Variants in RNF126 observed in about 807,000 individuals in gnomAD.
RNF126 encodes the protein E3 ubiquitin-protein ligase RNF126.
A neutral mutation model predicts 41.9 loss-of-function variants in RNF126; 20 were observed. That is an observed-to-expected ratio of 0.48 (90% CI 0.34 to 0.69). The LOEUF is 0.69. RNF126 is among the 30% of genes least tolerant of loss of function. The pLI, the probability that RNF126 is intolerant of heterozygous loss-of-function variation, is 0.01. For synonymous variants in RNF126, 239 were observed against 202.9 expected, an observed-to-expected ratio of 1.18 and a Z score of -1.51; for missense variants, 433 against 460.6, an observed-to-expected ratio of 0.94 and a Z score of 0.55.
chr19:657,563 G>A (rs1400393344), intron 1 of RNF126, among the ~76,000 whole-genome samples: 1 of 152,226 alleles, frequency 6.6e-6, no homozygotes, highest in African/African-American at 2.4e-5. Context: ...CGTCGGCCCT[G>A]CTGCTGGAAC....
rs1464339046 is a variant in RNF126 at position 659,146 on chromosome 19, C to T, written c.75+3901G>A. Among the ~76,000 whole-genome samples the T allele has an allele frequency of 6.6e-6, 1 of 152,182 alleles. No homozygotes were observed. The highest frequency in any genetic ancestry group is 2.4e-5 in the African/African-American group (1 of 41,438). Reference sequence around the variant, plus strand: ...CTTGAGAGGCAGGGGCAGGCTGTCACTGTCACGGTATCTGGCACAACCGCA... The same window carrying T: ...CTTGAGAGGCAGGGGCAGGCTGTCATTGTCACGGTATCTGGCACAACCGCA... On this transcript the variant is annotated intron_variant, in intron 1 of 8. Coordinates refer to ENST00000292363, the MANE Select transcript of RNF126 (RefSeq NM_194460.3). The surrounding 1 kb of genome is among the most constrained non-coding windows in gnomAD (Gnocchi z 4.9).
chr19:648,910 G>A lies in RNF126; in HGVS notation c.642C>T (p.Pro214=), dbSNP rs1187020695. 7.0e-7 allele frequency: 1 copy of A among 1,429,458 alleles called. No individual in the cohort carries two copies. Among genetic ancestry groups the A allele is most frequent in the Admixed American group, 2.7e-5 (1 of 37,110 alleles). 88.5% of individuals were successfully genotyped at this position (1,429,458 alleles called of 1,614,324 possible). The change falls in exon 7 of 9, where the codon CCC becomes CCT. Residue 214 remains proline (P), a synonymous_variant. Coordinates refer to ENST00000292363, the MANE Select transcript of RNF126 (RefSeq NM_194460.3). ...PADKEKIQAL[P]TVPVTEEHVG... is the part of the protein sequence containing the mutation. ...CGTGCTCCTCAGTGACGGGGACGGTGGGGAGGGCCTGGATTTTCTCTTTAT... is the reference window on the plus strand; with the variant it reads ...CGTGCTCCTCAGTGACGGGGACGGTAGGGAGGGCCTGGATTTTCTCTTTAT...
intron 5 of RNF126, 113 bp from the exon 6 acceptor site, chr19:649,861 C>T: frequency 1.4e-6 from 1 of 709,110 alleles, no homozygotes; most frequent in Non-Finnish European, 2.5e-6. Context: ...CCCCCTCCTA[C>T]TCACCAGGGA....
In RNF126 at chr19:649,659, G is replaced by A. The variant is rs1221242768; in HGVS notation, c.576+20C>T. On this transcript the variant is annotated intron_variant, in intron 6 of 8. Transcript: ENST00000292363. Reference sequence around the variant, plus strand: ...CCAGCCCTCCCCCAGCAGGCACTCTGGGCCGTGGCCACGCTGTACCTGTGT... The same window carrying A: ...CCAGCCCTCCCCCAGCAGGCACTCTAGGCCGTGGCCACGCTGTACCTGTGT... 3.2e-6 allele frequency: 5 copies of A among 1,551,764 alleles called. No homozygotes were observed. The East Asian group carries it at 9.7e-5, about 30-fold the overall frequency.
rs1189795795 is a variant in RNF126 at position 659,515 on chromosome 19, G to T, written c.75+3532C>A. Among the ~76,000 whole-genome samples the T allele has an allele frequency of 6.6e-6, 1 of 152,116 alleles. No homozygotes were observed. Among genetic ancestry groups the T allele is most frequent in the Non-Finnish European group, 1.5e-5 (1 of 67,996 alleles). On this transcript the variant is annotated intron_variant, in intron 1 of 8. Transcript: ENST00000292363. The surrounding 1 kb of genome is among the most constrained non-coding windows in gnomAD (Gnocchi z 4.9). ...AACCACCCAGAGACGGGGAGGTCAG[G>T]GGCAAGGACGGCACGCAGGGCCACC...
In RNF126 at chr19:648,516, C is replaced by A. The variant is rs536870159; in HGVS notation, c.671-29G>T. The A allele has an allele frequency of 6.6e-6, 10 of 1,520,304 alleles. No individual in the cohort carries two copies. The South Asian group carries it at 8.4e-5, about 13-fold the overall frequency. 94.2% of individuals were successfully genotyped at this position (1,520,304 alleles called of 1,614,324 possible). On this transcript the variant is annotated intron_variant, in intron 7 of 8. Coordinates refer to ENST00000292363, the MANE Select transcript of RNF126 (RefSeq NM_194460.3). ...CGGGAGTGTGCAGCTGCGGTCACAGCGGGCGTGGGGGGCCTGCCGAGCCTT... is the reference window on the plus strand; with the variant it reads ...CGGGAGTGTGCAGCTGCGGTCACAGAGGGCGTGGGGGGCCTGCCGAGCCTT...
intron 6 of RNF126, 103 bp downstream of exon 6, chr19:649,576 T>C: frequency 1.1e-6 from 1 of 924,994 alleles, no homozygotes; most frequent in Non-Finnish European, 1.7e-6. Flanking sequence ...GCATCCCCTT[T>C]GACCTTTGTG....
chr19:652,736 C>T lies in RNF126; in HGVS notation c.134+90G>A, dbSNP rs902446215. 3.8e-5 allele frequency: 46 copies of T among 1,216,508 alleles called. 1 individual carries two copies. The South Asian group carries it at 4.0e-4, about 11-fold the overall frequency. The allele number at this position is 1,216,508 out of a possible 1,614,324, so 75.4% of individuals were successfully genotyped here. ...CACCAGGGCCTGACGGCCCCACACT[C>T]GGCGGGGCGGACGCCAGCACAGCCC... is the stretch of plus-strand genomic sequence containing the variant. On this transcript the variant is annotated intron_variant, in intron 2 of 8. Coordinates refer to ENST00000292363, the MANE Select transcript of RNF126 (RefSeq NM_194460.3).
At chr19:662,855 G>C (rs1490045161) in intron 1 of RNF126, among the ~76,000 whole-genome samples, 192 bp downstream of exon 1, 2 of 151,968 alleles carry the variant, frequency 1.3e-5, no homozygotes, top group Non-Finnish European at 2.9e-5. Flanking sequence ...GCATGTACAG[G>C]ACGGGGTTCG....
At chr19:650,098 G>A in intron 5 of RNF126, 136 bp downstream of exon 5, 1 of 799,220 alleles carries the variant, frequency 1.3e-6, no homozygotes, top group Non-Finnish European at 1.9e-6. Flanking sequence ...CTACTCACCA[G>A]GGGCCCAGGC....
Position 648,364 on chromosome 19 carries a change from G to GGGGGGGGGGGGGGGGGGGGGCCGCCCCC in RNF126, c.786+7_786+8insGGGGGCGGCCCCCCCCCCCCCCCCCCCC. 2.0e-6 allele frequency: 1 copy of GGGGGGGGGGGGGGGGGGGGGCCGCCCCC among 510,498 alleles called. No homozygotes were observed. The highest frequency in any genetic ancestry group is 3.6e-6 in the Non-Finnish European group (1 of 278,364). 31.6% of individuals were successfully genotyped at this position (510,498 alleles called of 1,614,324 possible). Reference sequence around the variant, plus strand: ...CGGGGTGGGGGGGCGGGTGGGCGGGGCACTCACCTGCTCCAGCCAGGGCAC... The same window carrying GGGGGGGGGGGGGGGGGGGGGCCGCCCCC: ...CGGGGTGGGGGGGCGGGTGGGCGGGGGGGGGGGGGGGGGGGGGGGGCCGCCCCCCACTCACCTGCTCCAGCCAGGGCAC... On this transcript the variant is annotated splice_region_variant and intron_variant, in intron 8 of 8. Transcript: ENST00000292363.
chr19:654,203 G>A (rs1288946603), intron 1 of RNF126, among the ~76,000 whole-genome samples: 2 of 152,218 alleles, frequency 1.3e-5, no homozygotes, highest in East Asian at 1.9e-4. Context: ...GCCAGGGTGA[G>A]CAAACGATGC....
rs1391882053 is a variant in RNF126, at chr19:649,766, G to T, written c.507-18C>A. On this transcript the variant is annotated intron_variant, in intron 5 of 8. Transcript: ENST00000292363. Reference sequence around the variant, plus strand: ...GGACTCCCCTGGAGGTGGAAGGTGGGGTTCAAGTGGCTGACGGGCAGCTGG... The same window carrying T: ...GGACTCCCCTGGAGGTGGAAGGTGGTGTTCAAGTGGCTGACGGGCAGCTGG... The T allele has an allele frequency of 1.9e-6, 3 of 1,554,884 alleles. No individual in the cohort carries two copies. The Admixed American group carries it at 5.7e-5, about 30-fold the overall frequency.
rs886729383 is a variant in RNF126, at chr19:647,735, G to A, written c.*393C>T. 4.1e-5 allele frequency: 12 copies of A among 292,852 alleles called. No homozygotes were observed. Among genetic ancestry groups the A allele is most frequent in the South Asian group, 1.1e-4 (4 of 36,432 alleles). 18.1% of individuals were successfully genotyped at this position (292,852 alleles called of 1,614,324 possible). On this transcript the variant is annotated 3_prime_UTR_variant, in exon 9 of 9. Coordinates refer to ENST00000292363, the MANE Select transcript of RNF126 (RefSeq NM_194460.3). ...CGGCACCTGCAGCACTGGGGGAGCC[G>A]CTGAACCCCGTGCTTCAGCGCTGGG...
At chr19:651,520 C>CA in intron 4 of RNF126, 91 bp downstream of exon 4, 2 of 1,286,342 alleles carry the variant, frequency 1.6e-6, no homozygotes, top group Non-Finnish European at 2.0e-6. Flanking sequence ...GATGATGCCA[C>CA]GTTTCCGTGG....
intron 1 of RNF126, among the ~76,000 whole-genome samples, chr19:654,283 C>T (rs2030461282): frequency 6.6e-6 from 1 of 152,212 alleles, no homozygotes; most frequent in South Asian, 2.1e-4. Flanking sequence ...AAAGTGCGGC[C>T]CGGCTCCTGG....
At chr19:652,664 C>T (rs759915453) in intron 2 of RNF126, 162 bp downstream of exon 2, 42 of 670,534 alleles carry the variant, frequency 6.3e-5, no homozygotes, top group South Asian at 9.2e-5. Flanking sequence ...CAGAAGAGAA[C>T]GGCACGCTGC....
intron 1 of RNF126, among the ~76,000 whole-genome samples, 167 bp from the exon 2 acceptor site, chr19:653,051 C>A (rs1376411759): frequency 6.6e-6 from 1 of 152,162 alleles, no homozygotes; most frequent in Non-Finnish European, 1.5e-5. Flanking sequence ...GCCGAGGGGA[C>A]CTGGCCTCTG....
At chr19:653,314 G>T (rs187867666) in intron 1 of RNF126, among the ~76,000 whole-genome samples, 1 of 152,186 alleles carries the variant, frequency 6.6e-6, no homozygotes, top group Admixed American at 6.5e-5. Context: ...CCCCTGGCTC[G>T]GGGGAGGCCA....
Sources: gnomAD v4.1 joint callset for allele counts (sites outside exome capture counted in the v4.1 genomes callset) on GRCh38, gnomAD v4.1.1 for gene constraint, Gnocchi (gnomAD v3.1) non-coding constraint, MANE v1.5 for transcripts, NCBI Gene and HGNC (gene_info 2026-07-23, HGNC 2026-07-21) for gene names.